NUTM2B: variants seen among roughly 807,000 people sequenced by gnomAD.
NUTM2B encodes the protein family with sequence similarity 22, member B.
In NUTM2B, 2 loss-of-function variants were observed where a neutral mutation model predicts 42.4. The observed-to-expected ratio is 0.05, with a 90% CI of 0.02 to 0.15. NUTM2B has a LOEUF of 0.15. NUTM2B is among the 10% of genes least tolerant of loss of function. The pLI, the probability that NUTM2B is intolerant of heterozygous loss-of-function variation, is 1.00. For missense variants in NUTM2B, 58 were observed against 952.6 expected (o/e 0.06, Z 12.36); for synonymous variants, 18 against 402.4 (o/e 0.04, Z 11.43).
the NUTM2B span, among the ~76,000 whole-genome samples, chr10:79,695,603 T>C: frequency 6.6e-6 from 1 of 152,142 alleles, no homozygotes; most frequent in East Asian, 1.9e-4. Context: ...CAGATGGTAG[T>C]GCAGGCACAG....
the NUTM2B span, among the ~76,000 whole-genome samples, chr10:79,695,299 C>A: frequency 6.6e-6 from 1 of 152,170 alleles, no homozygotes; most frequent in Non-Finnish European, 1.5e-5. Flanking sequence ...CACCTTGGTT[C>A]CTCAGGCTGA....
chr10:79,700,127 G>C (rs137995290), upstream of NUTM2B, among the ~76,000 whole-genome samples: 4,323 of 152,250 alleles, frequency 0.028, 85 homozygotes, highest in Non-Finnish European at 0.043. Context: ...CAACCAACTT[G>C]TGCTACCAAG....
At chr10:79,702,591 G>A (rs1362280864), upstream of NUTM2B, among the ~76,000 whole-genome samples, 1 of 151,042 alleles carries the variant, frequency 6.6e-6, no homozygotes, top group African/African-American at 2.5e-5. Flanking sequence ...CGTAAGTGCC[G>A]ACAGGGTGTG....
At chr10:79,699,485 C>T (rs941297467), upstream of NUTM2B, among the ~76,000 whole-genome samples, 5 of 152,242 alleles carry the variant, frequency 3.3e-5, no homozygotes, top group African/African-American at 1.2e-4. Flanking sequence ...CTCTGTTGCC[C>T]AGGCTGGAGT....
the NUTM2B span, among the ~76,000 whole-genome samples, chr10:79,696,311 T>C: frequency 1.3e-5 from 2 of 152,058 alleles, no homozygotes; most frequent in African/African-American, 2.4e-5. Flanking sequence ...TGAGAAGAGA[T>C]GTGCTGTGCC....
chr10:79,711,802 G>T, exon 7 of NUTM2B: 2 of 1,603,570 alleles, frequency 1.2e-6, no homozygotes, highest in South Asian at 1.1e-5. Flanking sequence ...TAAGTTTGCA[G>T]CTGGCCAAGG....
chr10:79,709,403 C>A lies in NUTM2B; in HGVS notation c.1212-397C>A, dbSNP rs1415520357. ...TGCTTCCTCCTGACCAGGAGTCTCC[C>A]AGGCCTCGTGCCCCTGGGTTATCTT... On this transcript the variant is annotated intron_variant, in intron 3 of 6. Coordinates refer to ENST00000429828, the Ensembl canonical transcript of NUTM2B. 2.2e-5 allele frequency among the ~76,000 whole-genome samples: 3 copies of A among 134,996 alleles called. 1 individual carries two copies. The highest frequency in any genetic ancestry group is 8.5e-5 in the African/African-American group (3 of 35,434). 88.6% of individuals were successfully genotyped at this position (134,996 alleles called of 152,430 possible).
chr10:79,701,784 T>C (rs572460777), upstream of NUTM2B, among the ~76,000 whole-genome samples: 1 of 151,500 alleles, frequency 6.6e-6, no homozygotes, highest in East Asian at 1.9e-4. Flanking sequence ...CAAATTACCT[T>C]TGGCTAATTT....
At chr10:79,702,181 T>C (rs1340743839), upstream of NUTM2B, among the ~76,000 whole-genome samples, 2 of 151,986 alleles carry the variant, frequency 1.3e-5, no homozygotes, top group African/African-American at 4.8e-5. Flanking sequence ...TTGCTCTCCG[T>C]TGATCTTCTC....
chr10:79,705,723 C>T (rs1840378183), intron 1 of NUTM2B, among the ~76,000 whole-genome samples: 1 of 146,730 alleles, frequency 6.8e-6, no homozygotes, highest in South Asian at 2.4e-4. Context: ...GAGACTCATC[C>T]CTGACCCATG....
chr10:79,700,737 C>T (rs1214689190), upstream of NUTM2B, among the ~76,000 whole-genome samples: 3 of 152,358 alleles, frequency 2.0e-5, no homozygotes, highest in Admixed American at 6.5e-5. Context: ...TGCCATCAAC[C>T]GCCGCAACCG....
upstream of NUTM2B, among the ~76,000 whole-genome samples, chr10:79,700,961 G>A (rs1224382773): frequency 1.3e-5 from 2 of 152,198 alleles, no homozygotes; most frequent in Non-Finnish European, 2.9e-5. Flanking sequence ...AAACCAGCGC[G>A]TCCGCAACGA....
At chr10:79,710,869 T>A in intron 5 of NUTM2B, 105 bp downstream of exon 5, 1 of 1,200,740 alleles carries the variant, frequency 8.3e-7, no homozygotes, top group Non-Finnish European at 1.1e-6. Context: ...TGTGTGTATT[T>A]CCATGGATTT....
At chr10:79,696,834 C>A in the NUTM2B span, among the ~76,000 whole-genome samples, 2,789 of 151,634 alleles carry the variant, frequency 0.018, 75 homozygotes, top group African/African-American at 0.062. Context: ...CAGTGACACC[C>A]CTTCCCACCC....
At chr10:79,710,918 CTGTG>C (rs1840480052) in intron 5 of NUTM2B, among the ~76,000 whole-genome samples, 154 bp downstream of exon 5, 1 of 130,646 alleles carries the variant, frequency 7.7e-6, no homozygotes. Context: ...CTGTGTGTTG[CTGTG>C]TGTTTGTGTC....
In NUTM2B at chr10:79,709,385, T is replaced by G. The variant is rs537870524; in HGVS notation, c.1212-415T>G. Among the ~76,000 whole-genome samples, 122 of 135,476 alleles carry G rather than the reference T, an allele frequency of 9.0e-4. 22 individuals are homozygous for G. The highest frequency in any genetic ancestry group is 4.2e-3 in the Admixed American group (54 of 12,952). 88.9% of individuals were successfully genotyped at this position (135,476 alleles called of 152,430 possible). On this transcript the variant is annotated intron_variant, in intron 3 of 6. Transcript: ENST00000429828. ...TCCTCTGAGCTCAGCTTTTGCTTCC[T>G]CCTGACCAGGAGTCTCCCAGGCCTC...
the NUTM2B span, among the ~76,000 whole-genome samples, chr10:79,695,408 C>A: frequency 6.6e-6 from 1 of 152,224 alleles, no homozygotes; most frequent in African/African-American, 2.4e-5. Context: ...TTGATTCCCT[C>A]TTTTTACCAA....
the NUTM2B span, among the ~76,000 whole-genome samples, chr10:79,697,341 T>A: frequency 6.7e-6 from 1 of 149,606 alleles, no homozygotes; most frequent in Non-Finnish European, 1.5e-5. Context: ...ATTTACCCTG[T>A]TTCCTGCAAA....
chr10:79,693,820 C>T, the NUTM2B span, among the ~76,000 whole-genome samples: 1,840 of 152,286 alleles, frequency 0.012, 36 homozygotes, highest in African/African-American at 0.042. Context: ...GAGGGGGCAG[C>T]AAGAACTACC....
Sources: allele counts gnomAD v4.1 joint callset (sites outside exome capture counted in the v4.1 genomes callset), GRCh38; gene constraint gnomAD v4.1.1; transcripts MANE v1.5; gene names NCBI Gene and HGNC (gene_info 2026-07-23, HGNC 2026-07-21).